The following NR3C1 variants were observed in gnomAD, a reference collection of about 807,000 sequenced individuals.
NR3C1 encodes nuclear receptor subfamily 3 group C member 1, also known as glucocorticoid receptor.
In NR3C1, 14 loss-of-function variants were observed where a neutral mutation model predicts 74.0. The ratio of observed to expected loss-of-function variants is 0.19; its 90% confidence interval spans 0.12 to 0.30. The LOEUF (loss-of-function observed/expected upper bound fraction) is 0.30. Ranked by LOEUF, NR3C1 falls within the 10% of genes least tolerant of loss-of-function variation. The pLI is 1.00. For missense variants in NR3C1, 695 were observed against 909.8 expected, an observed-to-expected ratio of 0.76 and a Z score of 3.04; for synonymous variants, 308 against 332.5, an observed-to-expected ratio of 0.93 and a Z score of 0.80.
intron 4 of NR3C1, among the ~76,000 whole-genome samples, chr5:143,307,121 C>T (rs1208521874): frequency 6.6e-6 from 1 of 152,114 alleles, no homozygotes; most frequent in Non-Finnish European, 1.5e-5. Context: ...TAGTCTCGAT[C>T]TCCTGACCTC....
At chr5:143,379,320 A>T (rs73797552) in intron 2 of NR3C1, among the ~76,000 whole-genome samples, 2,170 of 152,290 alleles carry the variant, frequency 0.014, 51 homozygotes, top group African/African-American at 0.049. Context: ...TCATTACTGA[A>T]TGCCTATCAG....
chr5:143,409,552 G>C (rs866086459), intron 1 of NR3C1, among the ~76,000 whole-genome samples: 3 of 152,172 alleles, frequency 2.0e-5, no homozygotes, highest in Middle Eastern at 3.2e-3. Context: ...TATTCCTGCA[G>C]CTATCATAGC....
intron 1 of NR3C1, among the ~76,000 whole-genome samples, chr5:143,411,208 C>G (rs1841281269): frequency 6.6e-6 from 1 of 152,130 alleles, no homozygotes; most frequent in Non-Finnish European, 1.5e-5. Flanking sequence ...AGTACCTATA[C>G]TATAGAAATT....
Position 143,385,343 on chromosome 5 carries a change from T to C in NR3C1, c.1184+14313A>G, listed in dbSNP as rs116830956. Among the ~76,000 whole-genome samples the C allele has an allele frequency of 4.4e-3, 667 of 152,366 alleles. 2 individuals carry two copies. The highest frequency in any genetic ancestry group is 0.015 in the African/African-American group (635 of 41,598). ...GCTATTAACATTAGGCTACTCTTCATCTATGCATATTTCTGCAGCTCACTT... is the reference window on the plus strand; with the variant it reads ...GCTATTAACATTAGGCTACTCTTCACCTATGCATATTTCTGCAGCTCACTT... On this transcript the variant is annotated intron_variant, in intron 2 of 8. Coordinates refer to ENST00000394464, the MANE Select transcript of NR3C1 (RefSeq NM_000176.3).
At chr5:143,340,476 ATTTTTTT>A (rs3074500) in intron 2 of NR3C1, among the ~76,000 whole-genome samples, 5 of 89,154 alleles carry the variant, frequency 5.6e-5, no homozygotes, top group Non-Finnish European at 1.0e-4. Flanking sequence ...TTTAAAGATG[ATTTTTTT>A]TTTTTTTTTT....
At chr5:143,421,955 T>C (rs1236447142) in intron 1 of NR3C1, among the ~76,000 whole-genome samples, 1 of 152,176 alleles carries the variant, frequency 6.6e-6, no homozygotes, top group Non-Finnish European at 1.5e-5. Flanking sequence ...TGGAACACAG[T>C]CACAGCCAGG....
chr5:143,321,975 T>C (rs1823486419), intron 2 of NR3C1, among the ~76,000 whole-genome samples: 1 of 152,230 alleles, frequency 6.6e-6, no homozygotes, highest in South Asian at 2.1e-4. Context: ...GTTCAGTATA[T>C]GTTCACTTAT....
intron 4 of NR3C1, among the ~76,000 whole-genome samples, chr5:143,302,750 A>C (rs959236804): frequency 2.6e-5 from 4 of 152,090 alleles, no homozygotes; most frequent in Non-Finnish European, 4.4e-5. Context: ...AAATAATACT[A>C]ATTAATTTTT....
At chr5:143,434,890 A>G in exon 1 of NR3C1, 3 of 985,432 alleles carry the variant, frequency 3.0e-6, no homozygotes, top group Non-Finnish European at 2.4e-6. Context: ...ACCAACGATG[A>G]GCACAAACCA....
intron 2 of NR3C1, among the ~76,000 whole-genome samples, chr5:143,369,323 T>C (rs1215054701): frequency 6.6e-6 from 1 of 152,180 alleles, no homozygotes; most frequent in Admixed American, 6.5e-5. Flanking sequence ...TATCATATGA[T>C]CCAGTAATTC....
chr5:143,433,718 CCT>C (rs1205368227), intron 1 of NR3C1: 1 of 152,196 alleles, frequency 6.6e-6, no homozygotes, highest in Non-Finnish European at 1.5e-5. Flanking sequence ...TGAGGCCTTA[CCT>C]CTCTCATGTA....
Position 143,305,734 on chromosome 5 carries a change from G to A in NR3C1, c.1468+4363C>T, listed in dbSNP as rs556041971. On this transcript the variant is annotated intron_variant, in intron 4 of 8. Transcript: ENST00000394464. Reference sequence around the variant, plus strand: ...GGAACAGACACTGGGAAATACAAGAGGGGGGATAGAGGAAGGGAGGCACAG... The same window carrying A: ...GGAACAGACACTGGGAAATACAAGAAGGGGGATAGAGGAAGGGAGGCACAG... Among the ~76,000 whole-genome samples the A allele has an allele frequency of 5.9e-5, 9 of 152,218 alleles. No individual in the cohort carries two copies. The South Asian group carries it at 1.7e-3, about 28-fold the overall frequency.
intron 1 of NR3C1, among the ~76,000 whole-genome samples, chr5:143,412,277 G>T (rs1841320040): frequency 7.6e-6 from 1 of 131,164 alleles, no homozygotes. Flanking sequence ...GGGGGAGGGG[G>T]GAGGGGAAGC....
At chr5:143,420,161 C>T (rs1317856753) in intron 1 of NR3C1, among the ~76,000 whole-genome samples, 1 of 152,184 alleles carries the variant, frequency 6.6e-6, no homozygotes, top group Non-Finnish European at 1.5e-5. Flanking sequence ...GCCCAGATTT[C>T]ATATTGTTCA....
chr5:143,321,790 A>T (rs1255167194), intron 2 of NR3C1, among the ~76,000 whole-genome samples: 1 of 152,222 alleles, frequency 6.6e-6, no homozygotes, highest in Non-Finnish European at 1.5e-5. Flanking sequence ...AGTGTCCACC[A>T]TGGTATTCCT....
At chr5:143,353,042 C>T (rs2963150) in intron 2 of NR3C1, among the ~76,000 whole-genome samples, 4,597 of 152,298 alleles carry the variant, frequency 0.03, 205 homozygotes, top group African/African-American at 0.089. Flanking sequence ...TTATGTAATA[C>T]TCTAAATCCT....
chr5:143,433,256 G>A (rs1244055361), intron 1 of NR3C1, among the ~76,000 whole-genome samples: 2 of 151,838 alleles, frequency 1.3e-5, no homozygotes, highest in Non-Finnish European at 2.9e-5. Context: ...AGTTCACAGA[G>A]TTTTATTTAA....
upstream of NR3C1, among the ~76,000 whole-genome samples, chr5:143,405,652 G>A (rs1041477554): frequency 6.6e-6 from 1 of 152,308 alleles, no homozygotes; most frequent in Non-Finnish European, 1.5e-5. Flanking sequence ...CTTGGCAAAG[G>A]AAGAGATACT....
At chr5:143,351,906 G>T (rs924832881) in intron 2 of NR3C1, among the ~76,000 whole-genome samples, 1 of 152,024 alleles carries the variant, frequency 6.6e-6, no homozygotes, top group Non-Finnish European at 1.5e-5. Context: ...TAATTATATA[G>T]GTAAAAAGCC....
Sources: gnomAD v4.1 joint callset for allele counts (sites outside exome capture counted in the v4.1 genomes callset) on GRCh38, gnomAD v4.1.1 for gene constraint, MANE v1.5 for transcripts, NCBI Gene and HGNC (gene_info 2026-07-23, HGNC 2026-07-21) for gene names.